BMP5: variants seen among roughly 807,000 people sequenced by gnomAD.
BMP5 encodes bone morphogenetic protein 5.
A neutral mutation model predicts 46.6 loss-of-function variants in BMP5; 23 were observed. The ratio of observed to expected loss-of-function variants is 0.49; its 90% confidence interval spans 0.35 to 0.70. The LOEUF is 0.70. BMP5 is among the 30% of genes least tolerant of loss of function. The probability of loss-of-function intolerance (pLI) is 0.00; values close to 1 mark genes in which losing one functional copy is unlikely to be tolerated. For missense variants in BMP5, 545 were observed against 565.6 expected (o/e 0.96, Z 0.37); for synonymous variants, 204 against 191.9 (o/e 1.06, Z -0.52).
chr6:55,823,973 T>A (rs1192018056), intron 1 of BMP5, among the ~76,000 whole-genome samples: 1 of 152,012 alleles, frequency 6.6e-6, no homozygotes, highest in African/African-American at 2.4e-5. Flanking sequence ...AACCATATGT[T>A]GAAATTTAAT....
chr6:55,846,637 A>C (rs1303475377), intron 1 of BMP5, among the ~76,000 whole-genome samples: 1 of 151,892 alleles, frequency 6.6e-6, no homozygotes, highest in Non-Finnish European at 1.5e-5. Flanking sequence ...TTATTTATCC[A>C]GACACTAATT....
chr6:55,840,498 G>T (rs957721893), intron 1 of BMP5, among the ~76,000 whole-genome samples: 17 of 152,074 alleles, frequency 1.1e-4, no homozygotes, highest in African/African-American at 3.6e-4. Context: ...TGTAAATTTT[G>T]TATAGATTTC....
At chr6:55,850,516 A>T (rs1777213069) in intron 1 of BMP5, among the ~76,000 whole-genome samples, 1 of 152,112 alleles carries the variant, frequency 6.6e-6, no homozygotes, top group Non-Finnish European at 1.5e-5. Context: ...TTATATATTC[A>T]CACCACTGCT....
At chr6:55,834,046 T>G (rs570771818) in intron 1 of BMP5, among the ~76,000 whole-genome samples, 1 of 152,288 alleles carries the variant, frequency 6.6e-6, no homozygotes, top group African/African-American at 2.4e-5. Context: ...GCCACCATTT[T>G]GGGCACACGA....
At chr6:55,804,258 G>GAGAGACACAAAGAT (rs1017648666) in intron 2 of BMP5, among the ~76,000 whole-genome samples, 1 of 152,162 alleles carries the variant, frequency 6.6e-6, no homozygotes, top group African/African-American at 2.4e-5. Flanking sequence ...AGAAGAAGAG[G>GAGAGACACAAAGAT]AGAGACACAA....
In BMP5 at chr6:55,755,691, G is replaced by T; in HGVS notation, c.1216-9C>A. ...GGAAACATCAGATGAACCTGGGAAA[G>T]AAAAAAGGTTTTGTTTTATTAAGAA... On this transcript the variant is annotated splice_polypyrimidine_tract_variant and intron_variant, in intron 6 of 6. Transcript: ENST00000370830. 6.2e-7 allele frequency: 1 copy of T among 1,609,514 alleles called. No homozygotes were observed. Among genetic ancestry groups the T allele is most frequent in the Non-Finnish European group, 8.5e-7 (1 of 1,177,408 alleles).
chr6:55,867,489 C>G (rs546910768), intron 1 of BMP5, among the ~76,000 whole-genome samples: 6 of 152,248 alleles, frequency 3.9e-5, no homozygotes, highest in African/African-American at 1.4e-4. Flanking sequence ...TGTCTCTTTT[C>G]TTCTGGAAAT....
At chr6:55,794,472 A>G (rs1775658059) in intron 2 of BMP5, 45 bp from the exon 3 acceptor site, 5 of 1,577,018 alleles carry the variant, frequency 3.2e-6, no homozygotes, top group African/African-American at 1.3e-5. Flanking sequence ...GTTTAAATGA[A>G]CATCATTATT....
chr6:55,776,294 G>C (rs1775170061), intron 3 of BMP5, among the ~76,000 whole-genome samples: 1 of 151,870 alleles, frequency 6.6e-6, no homozygotes, highest in African/African-American at 2.4e-5. Context: ...CCTTCTGGCA[G>C]CCCTTTCACT....
At chr6:55,769,898 T>C (rs1384885998) in intron 4 of BMP5, among the ~76,000 whole-genome samples, 1 of 151,804 alleles carries the variant, frequency 6.6e-6, no homozygotes, top group Non-Finnish European at 1.5e-5. Context: ...GAAAGGAATC[T>C]TTTTTCTGGA....
At chr6:55,853,372 T>C in intron 1 of BMP5, among the ~76,000 whole-genome samples, 2 of 143,400 alleles carry the variant, frequency 1.4e-5, no homozygotes, top group Non-Finnish European at 1.5e-5. Context: ...CTGACTCTCT[T>C]TCCTTAATAG....
At chr6:55,868,180 A>G (rs1185179888) in intron 1 of BMP5, among the ~76,000 whole-genome samples, 2 of 152,216 alleles carry the variant, frequency 1.3e-5, no homozygotes, top group Non-Finnish European at 2.9e-5. Context: ...TATAGTCCTG[A>G]ATAAAATCTA....
intron 3 of BMP5, among the ~76,000 whole-genome samples, chr6:55,792,884 A>G (rs1276357126): frequency 1.3e-5 from 2 of 152,198 alleles, no homozygotes; most frequent in Non-Finnish European, 1.5e-5. Context: ...TGTGACAACA[A>G]GAAGCAGTGA....
chr6:55,819,951 T>A, intron 1 of BMP5, 104 bp from the exon 2 acceptor site: 2 of 1,096,568 alleles, frequency 1.8e-6, no homozygotes, highest in Non-Finnish European at 1.3e-6. Context: ...ACAAGCAGGA[T>A]AGTATAAAAC....
At chr6:55,851,576 T>A (rs1777245054) in intron 1 of BMP5, among the ~76,000 whole-genome samples, 1 of 152,178 alleles carries the variant, frequency 6.6e-6, no homozygotes, top group Non-Finnish European at 1.5e-5. Context: ...GTAGAACCAC[T>A]GAACTGCAAA....
intron 3 of BMP5, among the ~76,000 whole-genome samples, chr6:55,792,258 G>T (rs780221119): frequency 9.2e-5 from 14 of 152,132 alleles, no homozygotes; most frequent in Non-Finnish European, 1.6e-4. Flanking sequence ...ACCCTGCCGG[G>T]CGCGGTGGCT....
chr6:55,782,070 T>C (rs1775332335), intron 3 of BMP5, among the ~76,000 whole-genome samples: 1 of 152,062 alleles, frequency 6.6e-6, no homozygotes, highest in African/African-American at 2.4e-5. Context: ...AGTAGAGAAC[T>C]GATACTGAGA....
chr6:55,837,669 C>T (rs536598656), intron 1 of BMP5, among the ~76,000 whole-genome samples: 5 of 152,214 alleles, frequency 3.3e-5, no homozygotes, highest in African/African-American at 1.2e-4. Context: ...CAATTATACT[C>T]TTTCAGTTAT....
intron 1 of BMP5, among the ~76,000 whole-genome samples, chr6:55,836,627 TACATACACACAC>T (rs1776799734): frequency 4.7e-5 from 6 of 127,290 alleles, no homozygotes; most frequent in African/African-American, 1.8e-4. Context: ...AACACATACA[TACATACACACAC>T]ACACACACAC....
Sources: gnomAD v4.1 joint callset for allele counts (sites outside exome capture counted in the v4.1 genomes callset) on GRCh38, gnomAD v4.1.1 for gene constraint, MANE v1.5 for transcripts, NCBI Gene and HGNC (gene_info 2026-07-23, HGNC 2026-07-21) for gene names.